USP7: variants seen among roughly 807,000 people sequenced by gnomAD.
USP7 encodes ubiquitin C-terminal hydrolase 7.
USP7 carries 9 observed loss-of-function variants against 162.9 expected under a neutral mutation model. That is an observed-to-expected ratio of 0.06 (90% CI 0.03 to 0.10). The LOEUF is 0.10. Ranked by LOEUF, USP7 falls within the 10% of genes least tolerant of loss-of-function variation. USP7 has a pLI of 1.00. For missense variants in USP7, 715 were observed against 1,373.7 expected, an observed-to-expected ratio of 0.52 and a Z score of 7.58; for synonymous variants, 562 against 475.9, an observed-to-expected ratio of 1.18 and a Z score of -2.35.
intron 1 of USP7, among the ~76,000 whole-genome samples, chr16:8,950,984 G>GA (rs1899520749): frequency 2.0e-5 from 3 of 152,246 alleles, no homozygotes; most frequent in Middle Eastern, 3.4e-3. Context: ...TGCACAGACT[G>GA]AAAAAACTGA....
Position 8,893,866 on chromosome 16 carries a change from AT to A in USP7, c.*131del. 1 of 775,434 alleles carries A rather than the reference AT, an allele frequency of 1.3e-6. No homozygotes were observed. Among genetic ancestry groups the A allele is most frequent in the Non-Finnish European group, 2.2e-6 (1 of 456,548 alleles). 48.0% of individuals were successfully genotyped at this position (775,434 alleles called of 1,614,324 possible). ...AGAGAAGCCAAACTGAACAGCCTCA[AT>A]AAAATAAAATTAACACCAGCAGCGA... On this transcript the variant is annotated 3_prime_UTR_variant, in exon 31 of 31. Coordinates refer to ENST00000344836, the MANE Select transcript of USP7 (RefSeq NM_003470.3).
At chr16:8,906,772 A>T (rs1047883817) in intron 12 of USP7, among the ~76,000 whole-genome samples, 190 bp from the exon 13 acceptor site, 5 of 152,202 alleles carry the variant, frequency 3.3e-5, no homozygotes, top group Non-Finnish European at 7.3e-5. Flanking sequence ...GTCAACATAA[A>T]TATACACTAT....
intron 10 of USP7, among the ~76,000 whole-genome samples, chr16:8,911,924 T>C (rs940362213): frequency 1.3e-5 from 2 of 152,064 alleles, no homozygotes; most frequent in African/African-American, 4.8e-5. Flanking sequence ...CCAGCCACCG[T>C]GGAAAAACCG....
chr16:8,953,593 C>A (rs112554965), intron 1 of USP7, among the ~76,000 whole-genome samples: 1 of 64,252 alleles, frequency 1.6e-5, no homozygotes, highest in African/African-American at 6.8e-5. Flanking sequence ...CCCCATGCGG[C>A]GCCACCGGAA....
rs1183781674 is a variant in USP7 at position 8,894,038 on chromosome 16, C to A, written c.3269G>T (p.Arg1090Leu). The A allele has an allele frequency of 6.2e-7, 1 of 1,614,070 alleles. No individual in the cohort carries two copies. Among genetic ancestry groups the A allele is most frequent in the Non-Finnish European group, 8.5e-7 (1 of 1,180,058 alleles). ...DHFNKAPKRS[R>L]YTYLEKAIKI... is the part of the protein sequence containing the mutation. ...AATGGCCTTTTCAAGGTAAGTGTAG[C>A]GACTCCTCTTTGGGGCTTTGTTGAA... The change falls in exon 31 of 31, where the codon CGC (arginine) becomes CTC (leucine). Residue 1090 changes from arginine (R) to leucine (L), a missense_variant. Arg to Leu is a moderately radical substitution (Grantham distance 102). Around this residue, in one of 11 missense-constraint regions of USP7, gnomAD observed 222 missense variants for 441.7 expected, o/e 0.50. Transcript: ENST00000344836.
intron 1 of USP7, among the ~76,000 whole-genome samples, chr16:8,952,741 A>G (rs1567247644): frequency 6.6e-6 from 1 of 152,156 alleles, no homozygotes; most frequent in African/African-American, 2.4e-5. Flanking sequence ...TGGGAGCATC[A>G]TTCTGCAAAC....
At chr16:8,904,387 G>T in intron 15 of USP7, 48 bp downstream of exon 15, 2 of 1,603,942 alleles carry the variant, frequency 1.2e-6, no homozygotes, top group Non-Finnish European at 1.7e-6. Context: ...ATAGAGATGG[G>T]TGCCCGGCTG....
chr16:8,954,454 G>A (rs1288298223), intron 1 of USP7, among the ~76,000 whole-genome samples: 4 of 152,162 alleles, frequency 2.6e-5, no homozygotes, highest in African/African-American at 7.2e-5. Context: ...GACTGCATTC[G>A]GGTCATGGGC....
chr16:8,936,022 A>C (rs1398950605), intron 1 of USP7, among the ~76,000 whole-genome samples: 2 of 152,162 alleles, frequency 1.3e-5, no homozygotes, highest in African/African-American at 2.4e-5. Context: ...CTTCACGAAG[A>C]TTTATCAATC....
intron 1 of USP7, among the ~76,000 whole-genome samples, chr16:8,952,296 GC>G (rs1424994407): frequency 6.6e-6 from 1 of 152,138 alleles, no homozygotes; most frequent in African/African-American, 2.4e-5. Context: ...ATGACCAATA[GC>G]ACTTACTGGC....
Position 8,915,875 on chromosome 16 carries a change from T to G in USP7, c.907-350A>C, listed in dbSNP as rs1446850245. Among the ~76,000 whole-genome samples, 11 of 152,356 alleles carry G rather than the reference T, an allele frequency of 7.2e-5. No homozygotes were observed. In the East Asian group the frequency reaches 1.5e-3, roughly 21 times the overall value. On this transcript the variant is annotated intron_variant, in intron 8 of 30. Coordinates refer to ENST00000344836, the MANE Select transcript of USP7 (RefSeq NM_003470.3). The stretch of plus-strand genomic sequence containing the variant: ...GTCCACACCAAGAGATTAATGAGGT[T>G]GAGCCTGTCAACAGGATTGACTGGT...
intron 1 of USP7, among the ~76,000 whole-genome samples, chr16:8,946,662 A>G (rs1442285230): frequency 1.3e-5 from 2 of 152,208 alleles, no homozygotes; most frequent in Non-Finnish European, 2.9e-5. Flanking sequence ...TGGCAAAGGC[A>G]CACCTCCAAT....
At chr16:8,905,417 T>G in intron 13 of USP7, 86 bp from the exon 14 acceptor site, 1 of 1,538,720 alleles carries the variant, frequency 6.5e-7, no homozygotes, top group Non-Finnish European at 8.9e-7. Flanking sequence ...CTAAAATGTG[T>G]GAACTTCTAG....
chr16:8,918,767 C>G (rs1020786539), intron 6 of USP7, among the ~76,000 whole-genome samples: 3 of 152,202 alleles, frequency 2.0e-5, no homozygotes, highest in African/African-American at 7.2e-5. Flanking sequence ...CAAGGTCACA[C>G]CATTGCACTC....
chr16:8,921,224 C>T lies in USP7; in HGVS notation c.455G>A (p.Arg152His). The T allele has an allele frequency of 6.2e-7, 1 of 1,614,062 alleles. No individual in the cohort carries two copies. The highest frequency in any genetic ancestry group is 8.5e-7 in the Non-Finnish European group (1 of 1,179,994). ...NYRDDEKSFS[R>H]RISHLFFHKE... is the part of the protein sequence containing the mutation. ...ATGGAAGAACAAATGACTAATACGA[C>T]GACTGAACGACTTTTCATCATCTCT... Residue 152 changes from arginine (R) to histidine (H), a missense_variant, in exon 4 of 31, where the codon CGT becomes CAT. Arg to His is a conservative substitution (Grantham distance 29). Around this residue, in one of 11 missense-constraint regions of USP7, gnomAD observed 35 missense variants for 101.0 expected, o/e 0.35. Coordinates refer to ENST00000344836, the MANE Select transcript of USP7 (RefSeq NM_003470.3).
chr16:8,911,087 C>T (rs948444029), intron 10 of USP7, among the ~76,000 whole-genome samples: 1 of 152,134 alleles, frequency 6.6e-6, no homozygotes, highest in Non-Finnish European at 1.5e-5. Context: ...TACTGTTATT[C>T]GAACAAAGCA....
intron 1 of USP7, among the ~76,000 whole-genome samples, chr16:8,953,191 C>T (rs1389752048): frequency 9.9e-5 from 15 of 152,126 alleles, no homozygotes; most frequent in Admixed American, 9.8e-4. Context: ...TCACCTGAGG[C>T]TCCCCCTCCC....
intron 11 of USP7, among the ~76,000 whole-genome samples, chr16:8,909,527 G>C (rs959965631): frequency 2.6e-5 from 4 of 152,160 alleles, no homozygotes; most frequent in African/African-American, 9.7e-5. Context: ...CTGAGGCTTC[G>C]ACTCAAATAC....
chr16:8,893,838 TAC>T lies in USP7; in HGVS notation c.*158_*159del, dbSNP rs1433570398. On this transcript the variant is annotated 3_prime_UTR_variant, in exon 31 of 31. Transcript: ENST00000344836. Reference sequence around the variant, plus strand: ...TTGCTCAAAAAGGGCAGTCAATAGATACAGAGAAGCCAAACTGAACAGCCTCA... The same window carrying T: ...TTGCTCAAAAAGGGCAGTCAATAGATAGAGAAGCCAAACTGAACAGCCTCA... 3.1e-6 allele frequency: 2 copies of T among 641,722 alleles called. No homozygotes were observed. Among genetic ancestry groups the T allele is most frequent in the African/African-American group, 1.8e-5 (1 of 54,800 alleles). The allele number at this position is 641,722 out of a possible 1,614,324, so 39.8% of individuals were successfully genotyped here.
Sources: gnomAD v4.1 joint callset for allele counts (sites outside exome capture counted in the v4.1 genomes callset) on GRCh38, gnomAD v4.1.1 for gene constraint, gnomAD v4.1.1 regional missense constraint, MANE v1.5 for transcripts, NCBI Gene and HGNC (gene_info 2026-07-23, HGNC 2026-07-21) for gene names.